Variants in PEBP4 observed in about 807,000 individuals in gnomAD.
The protein encoded by PEBP4 is phosphatidylethanolamine-binding protein 4.
PEBP4 carries 22 observed loss-of-function variants against 23.9 expected under a neutral mutation model. That is an observed-to-expected ratio of 0.92 (90% CI 0.66 to 1.31). The LOEUF is 1.31. Among genes scored for constraint, PEBP4 ranks in the 40% most tolerant of loss-of-function variants. The pLI is 0.00. For missense variants in PEBP4, 324 were observed against 281.7 expected, an observed-to-expected ratio of 1.15 and a Z score of -1.07; for synonymous variants, 112 against 99.3, an observed-to-expected ratio of 1.13 and a Z score of -0.76.
chr8:22,769,671 A>G (rs1805679932), intron 4 of PEBP4, among the ~76,000 whole-genome samples: 1 of 151,788 alleles, frequency 6.6e-6, no homozygotes, highest in Admixed American at 6.6e-5. Flanking sequence ...TTTCTCCTTT[A>G]TCACCCTTCC....
At chr8:22,727,913 G>A (rs550521707) in intron 4 of PEBP4, among the ~76,000 whole-genome samples, 15 of 152,188 alleles carry the variant, frequency 9.9e-5, no homozygotes, top group African/African-American at 3.1e-4. Flanking sequence ...AGGTGACCCC[G>A]GGGGTGGGTG....
At chr8:22,776,327 G>A (rs1363540328) in intron 4 of PEBP4, among the ~76,000 whole-genome samples, 3 of 152,148 alleles carry the variant, frequency 2.0e-5, no homozygotes, top group African/African-American at 4.8e-5. Flanking sequence ...AAACATGAAA[G>A]TTCTGTAGGG....
upstream of PEBP4, among the ~76,000 whole-genome samples, chr8:22,930,187 T>C (rs1318017598): frequency 6.6e-6 from 1 of 150,902 alleles, no homozygotes; most frequent in Non-Finnish European, 1.5e-5. Flanking sequence ...TCCTCTCACA[T>C]GTTACCTCTG....
intron 4 of PEBP4, among the ~76,000 whole-genome samples, chr8:22,744,905 A>T (rs1805080647): frequency 6.6e-6 from 1 of 152,194 alleles, no homozygotes; most frequent in Non-Finnish European, 1.5e-5. Flanking sequence ...AGATGGGGAC[A>T]CAAGCTCTGG....
At chr8:22,908,012 CAAA>C (rs35883467) in intron 3 of PEBP4, among the ~76,000 whole-genome samples, 1 of 140,142 alleles carries the variant, frequency 7.1e-6, no homozygotes, top group African/African-American at 2.6e-5. Flanking sequence ...GACCCTGTCT[CAAA>C]AAAAAAAAAA....
intron 4 of PEBP4, among the ~76,000 whole-genome samples, chr8:22,773,288 A>G (rs551276306): frequency 6.6e-6 from 1 of 152,348 alleles, no homozygotes; most frequent in Admixed American, 6.5e-5. Context: ...GCACCAGCCC[A>G]GGTGTATTAT....
At chr8:22,719,718 T>C (rs1015662045) in intron 6 of PEBP4, among the ~76,000 whole-genome samples, 1 of 152,240 alleles carries the variant, frequency 6.6e-6, no homozygotes, top group Non-Finnish European at 1.5e-5. Flanking sequence ...CAGGCTTTGC[T>C]TTCCTCGTTT....
At chr8:22,839,498 A>G (rs1807277222) in intron 3 of PEBP4, among the ~76,000 whole-genome samples, 1 of 152,216 alleles carries the variant, frequency 6.6e-6, no homozygotes, top group Non-Finnish European at 1.5e-5. Flanking sequence ...GGAGAGGTTC[A>G]TCTCAACACC....
chr8:22,908,962 A>G (rs1284467675), intron 3 of PEBP4, among the ~76,000 whole-genome samples: 3 of 152,182 alleles, frequency 2.0e-5, no homozygotes, highest in Non-Finnish European at 4.4e-5. Flanking sequence ...TTTTAATGGC[A>G]GAAGGGCATT....
chr8:22,927,176 A>G (rs1809357358), intron 2 of PEBP4, among the ~76,000 whole-genome samples: 1 of 152,156 alleles, frequency 6.6e-6, no homozygotes, highest in Non-Finnish European at 1.5e-5. Flanking sequence ...GAAGGGTCTA[A>G]TCATACACCT....
intron 6 of PEBP4, among the ~76,000 whole-genome samples, chr8:22,713,812 C>T (rs1460490361): frequency 6.6e-6 from 1 of 152,092 alleles, no homozygotes; most frequent in Admixed American, 6.6e-5. Context: ...ATCTCCTTCC[C>T]CAGCACCTCT....
At chr8:22,725,646 G>C (rs1448408938) in intron 5 of PEBP4, among the ~76,000 whole-genome samples, 2 of 152,116 alleles carry the variant, frequency 1.3e-5, no homozygotes, top group African/African-American at 4.8e-5. Flanking sequence ...CCTGGCCTAG[G>C]TCTTTCAAGG....
chr8:22,733,729 G>T (rs966965817), intron 4 of PEBP4, among the ~76,000 whole-genome samples: 2 of 151,104 alleles, frequency 1.3e-5, no homozygotes, highest in African/African-American at 4.9e-5. Flanking sequence ...TGCAAACCCC[G>T]GTCAGAGTGG....
At chr8:22,763,436 C>T (rs1015168409) in intron 4 of PEBP4, among the ~76,000 whole-genome samples, 3 of 152,040 alleles carry the variant, frequency 2.0e-5, no homozygotes, top group East Asian at 1.9e-4. Context: ...CACTGTGTAG[C>T]TCTCATGGTT....
chr8:22,742,730 A>T (rs1232673885), intron 4 of PEBP4, among the ~76,000 whole-genome samples: 2 of 152,186 alleles, frequency 1.3e-5, no homozygotes, highest in Non-Finnish European at 2.9e-5. Flanking sequence ...CCTTGTGGAA[A>T]AAGGCAGAGA....
intron 4 of PEBP4, among the ~76,000 whole-genome samples, chr8:22,801,934 A>G (rs912828860): frequency 3.8e-4 from 58 of 152,264 alleles, no homozygotes; most frequent in African/African-American, 1.3e-3. Flanking sequence ...CTGTTCATCA[A>G]CTGAGACAAG....
chr8:22,797,707 AAG>A (rs1324273093), intron 4 of PEBP4, among the ~76,000 whole-genome samples: 1 of 152,080 alleles, frequency 6.6e-6, no homozygotes, highest in African/African-American at 2.4e-5. Flanking sequence ...GAACCGGGGG[AAG>A]AGAGTCTTGC....
intron 3 of PEBP4, among the ~76,000 whole-genome samples, chr8:22,912,327 GTA>G (rs1396992604): frequency 2.6e-5 from 4 of 152,224 alleles, no homozygotes; most frequent in Admixed American, 2.0e-4. Context: ...CGTTCTGTGT[GTA>G]TCCCTCACTA....
intron 4 of PEBP4, among the ~76,000 whole-genome samples, chr8:22,766,321 G>A (rs1191041854): frequency 1.3e-5 from 2 of 152,258 alleles, no homozygotes; most frequent in Non-Finnish European, 2.9e-5. Context: ...AGTGGAAGAA[G>A]CTGGCTTTGG....
Sources: gnomAD v4.1 joint callset for allele counts (sites outside exome capture counted in the v4.1 genomes callset) on GRCh38, gnomAD v4.1.1 for gene constraint, MANE v1.5 for transcripts, NCBI Gene and HGNC (gene_info 2026-07-23, HGNC 2026-07-21) for gene names.